TRIM23: variants seen among roughly 807,000 people sequenced by gnomAD.
TRIM23 encodes the protein tripartite motif containing 23, also known as E3 ubiquitin-protein ligase TRIM23.
A neutral mutation model predicts 71.0 loss-of-function variants in TRIM23; 27 were observed. The ratio of observed to expected loss-of-function variants is 0.38; its 90% CI spans 0.28 to 0.52. The LOEUF (loss-of-function observed/expected upper bound fraction) is 0.52, where lower values mean the gene tolerates loss of function less well. Ranked by LOEUF, TRIM23 falls within the 20% of genes least tolerant of loss-of-function variation. TRIM23 has a pLI of 0.84. For synonymous variants in TRIM23, 234 were observed against 238.0 expected, an observed-to-expected ratio of 0.98 and a Z score of 0.16; for missense variants, 482 against 692.3, an observed-to-expected ratio of 0.70 and a Z score of 3.41.
chr5:65,607,752 T>C (rs1257033827), intron 6 of TRIM23, among the ~76,000 whole-genome samples: 1 of 152,200 alleles, frequency 6.6e-6, no homozygotes, highest in Non-Finnish European at 1.5e-5. Context: ...GAAAATACTT[T>C]TAAGTGTTCA....
Position 65,618,191 on chromosome 5 carries a change from A to G in TRIM23, c.146T>C (p.Leu49Ser). 6.2e-7 allele frequency: 1 copy of G among 1,614,144 alleles called. No homozygotes were observed. Among genetic ancestry groups the G allele is most frequent in the Non-Finnish European group, 8.5e-7 (1 of 1,179,998 alleles). The change falls in exon 2 of 11, where the codon TTG becomes TCG. Residue 49 changes from leucine (L) to serine (S), a missense_variant. Transcript: ENST00000231524. The part of the protein sequence containing the change: ...SLQGDKVPRL[L>S]LCGHTVCHDC... Reference sequence around the variant, plus strand: ...ATGACAGACGGTATGGCCACAAAGCAAAAGACGGGGAACTTTGTCTCCTTG... The same window carrying G: ...ATGACAGACGGTATGGCCACAAAGCGAAAGACGGGGAACTTTGTCTCCTTG...
intron 9 of TRIM23, among the ~76,000 whole-genome samples, chr5:65,595,506 C>T (rs1341207343): frequency 2.7e-5 from 4 of 148,436 alleles, no homozygotes; most frequent in Non-Finnish European, 4.4e-5. Context: ...TGCAGTGAGC[C>T]GAGATCGCAC....
intron 1 of TRIM23, among the ~76,000 whole-genome samples, chr5:65,623,150 C>T (rs1380435048): frequency 6.6e-6 from 1 of 152,154 alleles, no homozygotes; most frequent in Admixed American, 6.5e-5. Context: ...TCATATAAAA[C>T]CAACATTACC....
chr5:65,611,882 CT>C lies in TRIM23; in HGVS notation c.367-2del. 6.2e-7 allele frequency: 1 copy of C among 1,604,978 alleles called. No homozygotes were observed. ...CATCTTCATCACAACGAATGATGCTCTGATAAACAAAAAATTAATGCCTTAA... is the reference window on the plus strand; with the variant it reads ...CATCTTCATCACAACGAATGATGCTCGATAAACAAAAAATTAATGCCTTAA... On this transcript the variant is annotated splice_acceptor_variant, in intron 3 of 10. Coordinates refer to ENST00000231524, the MANE Select transcript of TRIM23 (RefSeq NM_001656.4). LOFTEE classifies it high-confidence loss of function.
intron 1 of TRIM23, among the ~76,000 whole-genome samples, chr5:65,623,256 C>T (rs1415537959): frequency 6.6e-6 from 1 of 152,176 alleles, no homozygotes; most frequent in Non-Finnish European, 1.5e-5. Flanking sequence ...ATTAAAATAA[C>T]TTCTGGTAAT....
intron 3 of TRIM23, 83 bp from the exon 4 acceptor site, chr5:65,611,964 T>C (rs1268525123): frequency 1.5e-6 from 2 of 1,337,572 alleles, no homozygotes; most frequent in Non-Finnish European, 2.0e-6. Flanking sequence ...TCCATAATCC[T>C]TTTTGCTTAA....
intron 10 of TRIM23, among the ~76,000 whole-genome samples, chr5:65,593,582 G>A (rs562426515): frequency 2.8e-4 from 43 of 152,156 alleles, no homozygotes; most frequent in South Asian, 4.1e-4. Flanking sequence ...TTTTTATTAA[G>A]GGGAAAATTC....
intron 1 of TRIM23, among the ~76,000 whole-genome samples, chr5:65,622,364 G>C (rs1253186857): frequency 6.6e-6 from 1 of 151,664 alleles, no homozygotes; most frequent in African/African-American, 2.4e-5. Context: ...ACGGGGTTTC[G>C]CCATGTTGGC....
At chr5:65,609,789 C>T (rs1754605884) in intron 5 of TRIM23, among the ~76,000 whole-genome samples, 1 of 152,168 alleles carries the variant, frequency 6.6e-6, no homozygotes, top group Non-Finnish European at 1.5e-5. Flanking sequence ...TCCCCTAATG[C>T]ACAGACATTG....
At chr5:65,599,876 T>TA (rs1754314297) in intron 7 of TRIM23, among the ~76,000 whole-genome samples, 2 of 152,234 alleles carry the variant, frequency 1.3e-5, no homozygotes, top group African/African-American at 4.8e-5. Context: ...TTTGCACTGC[T>TA]ATAAAGAAAT....
rs551427277 is a variant in TRIM23, at chr5:65,624,280, C to T, written c.-6G>A. The T allele has an allele frequency of 1.9e-6, 3 of 1,613,908 alleles. No individual in the cohort carries two copies. In the East Asian group the frequency reaches 6.7e-5, roughly 36 times the overall value. On this transcript the variant is annotated 5_prime_UTR_variant, in exon 1 of 11. Transcript: ENST00000231524. ...TTTACAACCAGGGTAGCCATCCTCG[C>T]AGGGGAAGCGCCACAGAAACAGCCT...
At chr5:65,618,324 G>C in intron 1 of TRIM23, 69 bp from the exon 2 acceptor site, 3 of 1,421,630 alleles carry the variant, frequency 2.1e-6, no homozygotes, top group Non-Finnish European at 2.8e-6. Context: ...AGGTATATAA[G>C]AAAATTCACC....
At chr5:65,609,219 C>T in intron 6 of TRIM23, 24 bp downstream of exon 6, 1 of 1,612,280 alleles carries the variant, frequency 6.2e-7, no homozygotes, top group Non-Finnish European at 8.5e-7. Flanking sequence ...CAACTAAGTC[C>T]CTAACCACAT....
chr5:65,594,635 A>G lies in TRIM23; in HGVS notation c.1431T>C (p.Phe477=), dbSNP rs757628776. ...HYYLNTQAVV[F]VVDSSHRDRI... ...TGTCTCTATGACTGCTATCTACAAC[A>G]AACACAACAGCTACCCAAAAAAAAA... The change falls in exon 10 of 11, where the codon TTT becomes TTC. Residue 477 remains phenylalanine (F), a synonymous_variant. Coordinates refer to ENST00000231524, the MANE Select transcript of TRIM23 (RefSeq NM_001656.4). 11 of 1,576,874 alleles carry G rather than the reference A, an allele frequency of 7.0e-6. No individual in the cohort carries two copies. The East Asian group carries it at 2.1e-4, about 30-fold the overall frequency.
intron 3 of TRIM23, among the ~76,000 whole-genome samples, chr5:65,613,293 C>T (rs1754698122): frequency 6.6e-6 from 1 of 152,128 alleles, no homozygotes; most frequent in African/African-American, 2.4e-5. Flanking sequence ...TTTTAGAAAA[C>T]AGAGTGTTGC....
chr5:65,604,608 T>C (rs929380310), intron 7 of TRIM23: 11 of 190,306 alleles, frequency 5.8e-5, no homozygotes, highest in African/African-American at 2.1e-4. Flanking sequence ...AGATTCATTA[T>C]ATATACCATA....
At position 65,591,182 on chromosome 5, in the gene TRIM23, G is replaced by A. The variant is rs1309967230; in HGVS notation, c.*587C>T. The stretch of plus-strand genomic sequence containing the variant: ...GAAAGTTAATAAAACACTATATAAA[G>A]TATTAATTTTCTGTACCTTATAGTT... On this transcript the variant is annotated 3_prime_UTR_variant, in exon 11 of 11. Transcript: ENST00000231524. 20 of 1,131,322 alleles carry A rather than the reference G, an allele frequency of 1.8e-5. No individual in the cohort carries two copies. The highest frequency in any genetic ancestry group is 2.4e-5 in the South Asian group (1 of 41,338). The allele number at this position is 1,131,322 out of a possible 1,614,324, so 70.1% of individuals were successfully genotyped here.
chr5:65,606,574 C>T (rs1476984786), intron 6 of TRIM23, among the ~76,000 whole-genome samples: 1 of 152,056 alleles, frequency 6.6e-6, no homozygotes, highest in Admixed American at 6.5e-5. Context: ...CTCTGTCCTT[C>T]GCTTATTCTA....
intron 9 of TRIM23, 46 bp downstream of exon 9, chr5:65,596,373 CTG>C: frequency 7.6e-7 from 1 of 1,322,508 alleles, no homozygotes; most frequent in African/African-American, 1.5e-5. Context: ...ACACTGAAAA[CTG>C]TCATCCTAAA....
Sources: gnomAD v4.1 joint callset for allele counts (sites outside exome capture counted in the v4.1 genomes callset) on GRCh38, gnomAD v4.1.1 for gene constraint, MANE v1.5 for transcripts, NCBI Gene and HGNC (gene_info 2026-07-23, HGNC 2026-07-21) for gene names.